Variants in STXBP5L observed in about 807,000 individuals in gnomAD.
STXBP5L encodes syntaxin-binding protein 5-like.
STXBP5L carries 65 observed loss-of-function variants against 144.5 expected under a neutral mutation model. The ratio of observed to expected loss-of-function variants is 0.45; its 90% CI spans 0.37 to 0.55. The LOEUF is 0.55. STXBP5L is among the 20% of genes least tolerant of loss of function. The pLI, the probability that STXBP5L is intolerant of heterozygous loss-of-function variation, is 0.00. For synonymous variants in STXBP5L, 505 were observed against 469.6 expected, an observed-to-expected ratio of 1.08 and a Z score of -0.97; for missense variants, 1,298 against 1,405.5, an observed-to-expected ratio of 0.92 and a Z score of 1.22.
chr3:121,289,730 A>G (rs1373257045), intron 19 of STXBP5L, among the ~76,000 whole-genome samples: 1 of 152,042 alleles, frequency 6.6e-6, no homozygotes, highest in Non-Finnish European at 1.5e-5. Context: ...AATAAAATTC[A>G]CACAGTGGAA....
chr3:121,301,824 T>C (rs1252468319), intron 19 of STXBP5L, among the ~76,000 whole-genome samples: 1 of 152,182 alleles, frequency 6.6e-6, no homozygotes, highest in Non-Finnish European at 1.5e-5. Flanking sequence ...TTGTCATTGG[T>C]TCTGTTTATA....
chr3:121,106,584 T>A (rs1474485529), intron 5 of STXBP5L, among the ~76,000 whole-genome samples: 1 of 152,222 alleles, frequency 6.6e-6, no homozygotes. Flanking sequence ...CTCATTCTTT[T>A]TTGGCTGCAT....
At chr3:121,301,809 G>A (rs1159568820) in intron 19 of STXBP5L, among the ~76,000 whole-genome samples, 1 of 152,070 alleles carries the variant, frequency 6.6e-6, no homozygotes, top group Non-Finnish European at 1.5e-5. Flanking sequence ...ATAATCATGT[G>A]GTTTTTGTCA....
chr3:120,982,830 AG>A (rs926280482), intron 3 of STXBP5L, among the ~76,000 whole-genome samples: 15 of 152,254 alleles, frequency 9.9e-5, no homozygotes, highest in African/African-American at 2.9e-4. Flanking sequence ...CCCAATTTCC[AG>A]GCCCCTAGAT....
chr3:121,121,840 A>G (rs2107852812), intron 7 of STXBP5L, 136 bp downstream of exon 7: 1 of 508,158 alleles, frequency 2.0e-6, no homozygotes, highest in Non-Finnish European at 3.5e-6. Flanking sequence ...AATGTGTTGA[A>G]TCAACGAATG....
chr3:121,418,753 T>C (rs2047298247), intron 26 of STXBP5L, among the ~76,000 whole-genome samples, 196 bp downstream of exon 26: 1 of 144,146 alleles, frequency 6.9e-6, no homozygotes, highest in Non-Finnish European at 1.5e-5. Context: ...TACTTTAATG[T>C]ATCGATACTT....
intron 5 of STXBP5L, among the ~76,000 whole-genome samples, chr3:121,087,195 A>G (rs2042541250): frequency 6.6e-6 from 1 of 152,000 alleles, no homozygotes; most frequent in Non-Finnish European, 1.5e-5. Context: ...AGTTGATTAG[A>G]TTCTATAGGG....
intron 20 of STXBP5L, among the ~76,000 whole-genome samples, chr3:121,355,423 A>G (rs1053761043): frequency 7.2e-5 from 11 of 151,798 alleles, no homozygotes; most frequent in African/African-American, 2.4e-4. Context: ...TTCTCACTTT[A>G]TTTCATTAAT....
Position 121,052,092 on chromosome 3 carries a change from G to T in STXBP5L, c.470+6557G>T, listed in dbSNP as rs376484366. On this transcript the variant is annotated intron_variant, in intron 5 of 26. Transcript: ENST00000471454. ...TCTGAAATTGTGGCAATAATCAATAGCTTACCAACCAAAAACAGTCCAGGA... is the reference window on the plus strand; with the variant it reads ...TCTGAAATTGTGGCAATAATCAATATCTTACCAACCAAAAACAGTCCAGGA... Among the ~76,000 whole-genome samples the T allele has an allele frequency of 5.9e-5, 9 of 152,202 alleles. 3 individuals are homozygous for T. The highest frequency in any genetic ancestry group is 5.9e-4 in the Admixed American group (9 of 15,288).
chr3:121,062,114 G>T (rs1467207198), intron 5 of STXBP5L, among the ~76,000 whole-genome samples: 2 of 152,228 alleles, frequency 1.3e-5, no homozygotes, highest in East Asian at 1.9e-4. Flanking sequence ...AGTTGTTCCT[G>T]TTCATGTTTA....
At chr3:121,097,007 TG>T (rs2043164635) in intron 5 of STXBP5L, among the ~76,000 whole-genome samples, 1 of 152,198 alleles carries the variant, frequency 6.6e-6, no homozygotes, top group Non-Finnish European at 1.5e-5. Flanking sequence ...ATGTCCCTTA[TG>T]GGGGCTGCTG....
intron 4 of STXBP5L, among the ~76,000 whole-genome samples, chr3:121,042,198 A>T (rs1404598467): frequency 2.0e-5 from 3 of 151,994 alleles, no homozygotes; most frequent in Admixed American, 6.6e-5. Context: ...GGGCCCTTTT[A>T]TCTGCATATA....
intron 19 of STXBP5L, among the ~76,000 whole-genome samples, chr3:121,304,615 A>T (rs1357160737): frequency 6.6e-6 from 1 of 152,156 alleles, no homozygotes; most frequent in Non-Finnish European, 1.5e-5. Context: ...AATAACTCAT[A>T]GCTTAAAAAA....
chr3:121,322,227 T>G (rs1026618868), intron 20 of STXBP5L, among the ~76,000 whole-genome samples: 1 of 152,252 alleles, frequency 6.6e-6, no homozygotes, highest in Admixed American at 6.5e-5. Context: ...GCCTGTAATC[T>G]CAGCACTTTG....
intron 20 of STXBP5L, among the ~76,000 whole-genome samples, chr3:121,359,379 G>C (rs898475438): frequency 1.3e-5 from 2 of 151,582 alleles, no homozygotes; most frequent in Non-Finnish European, 2.9e-5. Context: ...GGGGTAGTTT[G>C]AAAATATTTT....
At chr3:120,983,538 ACAGCTGCTCAGGG>A (rs1199602499) in intron 3 of STXBP5L, among the ~76,000 whole-genome samples, 1 of 152,162 alleles carries the variant, frequency 6.6e-6, no homozygotes. Context: ...GGACTAGGCT[ACAGCTGCTCAGGG>A]CTCAAAAGCC....
intron 5 of STXBP5L, among the ~76,000 whole-genome samples, chr3:121,087,491 T>C (rs1050576448): frequency 6.6e-6 from 1 of 152,054 alleles, no homozygotes; most frequent in Non-Finnish European, 1.5e-5. Context: ...TAATATAGTG[T>C]CTTCTTTCTA....
intron 22 of STXBP5L, among the ~76,000 whole-genome samples, chr3:121,402,920 A>G (rs948226917): frequency 4.6e-5 from 7 of 151,970 alleles, no homozygotes; most frequent in African/African-American, 1.4e-4. Flanking sequence ...GCCCTGAACT[A>G]CTAGACTCAA....
intron 2 of STXBP5L, among the ~76,000 whole-genome samples, chr3:120,951,568 T>A (rs984857193): frequency 2.0e-5 from 3 of 152,158 alleles, no homozygotes; most frequent in African/African-American, 4.8e-5. Flanking sequence ...TCACCATCAC[T>A]GGCCATCGGA....
Sources: allele counts gnomAD v4.1 joint callset (sites outside exome capture counted in the v4.1 genomes callset), GRCh38; gene constraint gnomAD v4.1.1; transcripts MANE v1.5; gene names NCBI Gene and HGNC (gene_info 2026-07-23, HGNC 2026-07-21).